Variants in PCDHGA7 observed in about 807,000 individuals in gnomAD.
PCDHGA7 encodes protocadherin gamma subfamily A, 7, also known as protocadherin gamma-A7.
Under a neutral mutation model 58.3 loss-of-function variants are expected in PCDHGA7, and 44 were observed. That is an observed-to-expected ratio of 0.75 (90% CI 0.59 to 0.97). PCDHGA7 has a LOEUF of 0.97. PCDHGA7 is among the 50% of genes least tolerant of loss of function. The probability of loss-of-function intolerance (pLI) is 0.00; values close to 1 mark genes in which losing one functional copy is unlikely to be tolerated. For missense variants in PCDHGA7, 1,266 were observed against 1,188.7 expected (o/e 1.06, Z -0.96); for synonymous variants, 516 against 504.2 (o/e 1.02, Z -0.31).
rs61612330 is a variant in PCDHGA7, at chr5:141,454,796, A to ATTTTTTTTTTTTTTT, written c.2425-39996_2425-39982dup. 1.0e-3 allele frequency among the ~76,000 whole-genome samples: 80 copies of ATTTTTTTTTTTTTTT among 77,456 alleles called. 10 individuals are homozygous for ATTTTTTTTTTTTTTT. The highest frequency in any genetic ancestry group is 2.0e-3 in the East Asian group (5 of 2,512). The allele number at this position is 77,456 out of a possible 152,430, so 50.8% of individuals were successfully genotyped here. A position where few individuals can be genotyped will look rare whatever the true frequency, so the allele number is the denominator to read the frequency against. On this transcript the variant is annotated intron_variant, in intron 1 of 3. Transcript: ENST00000518325. ...AAGGAAATAATCCTCCATGGTTCTA[A>ATTTTTTTTTTTTTTT]TTTTTTTTTTTTTTTTTTTTTTTTT...
At chr5:141,465,833 T>A (rs2099110537) in intron 1 of PCDHGA7, among the ~76,000 whole-genome samples, 1 of 152,002 alleles carries the variant, frequency 6.6e-6, no homozygotes, top group Non-Finnish European at 1.5e-5. Context: ...GTTTAAAATT[T>A]CAACTGAGGC....
intron 1 of PCDHGA7, chr5:141,402,829 T>C: frequency 7.5e-7 from 1 of 1,342,036 alleles, no homozygotes; most frequent in Non-Finnish European, 9.8e-7. Flanking sequence ...GCTCCCAGGC[T>C]GCAGCAAAAC....
At position 141,405,317 on chromosome 5, in the gene PCDHGA7, G is replaced by A. The variant is rs1443108777; in HGVS notation, c.2424+19994G>A. ...CAGCCAGCAGAGCTGTGAGAAAAAT[G>A]AGCCTTTGTGCGTCTCTGTTGATTC... On this transcript the variant is annotated intron_variant, in intron 1 of 3. Coordinates refer to ENST00000518325, the MANE Select transcript of PCDHGA7 (RefSeq NM_018920.4). 2.5e-6 allele frequency: 4 copies of A among 1,614,080 alleles called. No individual in the cohort carries two copies. The African/African-American group carries it at 5.3e-5, about 22-fold the overall frequency.
chr5:141,383,889 G>T lies in PCDHGA7; in HGVS notation c.990G>T (p.Lys330Asn). 6.2e-7 allele frequency: 1 copy of T among 1,613,938 alleles called. No individual in the cohort carries two copies. Among genetic ancestry groups the T allele is most frequent in the South Asian group, 1.1e-5 (1 of 91,078 alleles). The stretch of plus-strand genomic sequence containing the variant: ...AAGATGGTCCTGGTAGTCTGACAAA[G>T]GCAAAAGTACTGATCACAGTTTTAG... ...QAQDGPGSLTKAKVLITVLDV... is the reference protein window; with the variant it reads ...QAQDGPGSLTNAKVLITVLDV... The change falls in exon 1 of 4, where the codon AAG becomes AAT. Residue 330 changes from lysine (K) to asparagine (N), a missense_variant. Physicochemically the swap from Lys to Asn is moderately conservative, Grantham distance 94. Transcript: ENST00000518325.
chr5:141,384,783 G>A lies in PCDHGA7; in HGVS notation c.1884G>A (p.Thr628=). 4 of 1,613,678 alleles carry A rather than the reference G, an allele frequency of 2.5e-6. No homozygotes were observed. Among genetic ancestry groups the A allele is most frequent in the South Asian group, 1.1e-5 (1 of 91,084 alleles). The change falls in exon 1 of 4, where the codon ACG becomes ACA. Residue 628 remains threonine, a synonymous_variant. Transcript: ENST00000518325. ...AVGLYTGEVR[T]ARALLDRDAL... is the part of the protein sequence containing the mutation. ...GGCTGTACACGGGCGAGGTGCGCAC[G>A]GCTCGGGCCCTGCTGGACAGAGATG...
intron 1 of PCDHGA7, among the ~76,000 whole-genome samples, chr5:141,481,426 A>G (rs1431602618): frequency 6.6e-6 from 1 of 152,238 alleles, no homozygotes; most frequent in Non-Finnish European, 1.5e-5. Flanking sequence ...TGTGATGATG[A>G]TTGTATCAGT....
chr5:141,482,470 C>T (rs768383368), intron 1 of PCDHGA7, among the ~76,000 whole-genome samples: 8 of 137,876 alleles, frequency 5.8e-5, no homozygotes, highest in Non-Finnish European at 1.2e-4. Flanking sequence ...ATGTGCCAGA[C>T]ACTGTAAACA....
At position 141,383,756 on chromosome 5, in the gene PCDHGA7, C is replaced by T. The variant is rs62620755; in HGVS notation, c.857C>T (p.Pro286Leu). 6.8e-6 allele frequency: 11 copies of T among 1,613,838 alleles called. No homozygotes were observed. Among genetic ancestry groups the T allele is most frequent in the East Asian group, 2.2e-5 (1 of 44,890 alleles). ...EVTYSFRKIT[P>L]KLPKMFHLNS... ...ACATATTCTTTTCGGAAAATAACTC[C>T]TAAACTTCCAAAGATGTTTCATCTG... The change falls in exon 1 of 4, where the codon CCT becomes CTT. Residue 286 changes from proline to leucine, a missense_variant. Pro to Leu is a moderately conservative substitution (Grantham distance 98, BLOSUM62 -3). Coordinates refer to ENST00000518325, the MANE Select transcript of PCDHGA7 (RefSeq NM_018920.4).
rs748660721 is a variant in PCDHGA7 at position 141,485,346 on chromosome 5, G to A, written c.2425-9461G>A. The A allele has an allele frequency of 1.2e-6, 2 of 1,614,178 alleles. No individual in the cohort carries two copies. Among genetic ancestry groups the A allele is most frequent in the South Asian group, 2.2e-5 (2 of 91,088 alleles). ...CAAGATTTCCTGCTGGATACGGACA[G>A]TCTGTCAGCTCGCAGGCTGCAGGTC... On this transcript the variant is annotated intron_variant, in intron 1 of 3. Transcript: ENST00000518325. This position sits in a 1 kb window ranked among gnomAD's most constrained non-coding sequence, Gnocchi z 5.7.
intron 1 of PCDHGA7, among the ~76,000 whole-genome samples, chr5:141,450,616 A>G (rs2098687684): frequency 6.6e-6 from 1 of 151,486 alleles, no homozygotes; most frequent in African/African-American, 2.4e-5. Flanking sequence ...CCTCCTGAGT[A>G]GCTGGGATTA....
At chr5:141,405,008 G>A in intron 1 of PCDHGA7, 1 of 1,614,000 alleles carries the variant, frequency 6.2e-7, no homozygotes, top group Non-Finnish European at 8.5e-7. Context: ...AGACCTGGAG[G>A]CCTCAGACCT....
In PCDHGA7 at chr5:141,408,282, C is replaced by A. The variant is rs1045626164; in HGVS notation, c.2424+22959C>A. On this transcript the variant is annotated intron_variant, in intron 1 of 3. Transcript: ENST00000518325. ...CCTTTGCTGCTGCCTTTGTTCTACC[C>A]CACCCTGAGTGAGCCGATCCGCTAC... The A allele has an allele frequency of 5.0e-6, 8 of 1,612,846 alleles. No individual in the cohort carries two copies. The African/African-American group carries it at 1.1e-4, about 22-fold the overall frequency.
At chr5:141,393,171 G>C (rs768471669) in intron 1 of PCDHGA7, 10 of 1,613,150 alleles carry the variant, frequency 6.2e-6, no homozygotes, top group Admixed American at 1.7e-5. Context: ...CTTTGGGGTA[G>C]AAATAGAAAT....
At chr5:141,504,147 T>C (rs2099836026) in intron 2 of PCDHGA7, among the ~76,000 whole-genome samples, 1 of 152,198 alleles carries the variant, frequency 6.6e-6, no homozygotes, top group South Asian at 2.1e-4. Flanking sequence ...CCCCTGCAAA[T>C]TGAAATAATT....
At position 141,487,194 on chromosome 5, in the gene PCDHGA7, C is replaced by T. The variant is rs148502966; in HGVS notation, c.2425-7613C>T. 2 of 1,613,868 alleles carry T rather than the reference C, an allele frequency of 1.2e-6. No homozygotes were observed. The highest frequency in any genetic ancestry group is 1.3e-5 in the African/African-American group (1 of 75,030). On this transcript the variant is annotated intron_variant, in intron 1 of 3. Coordinates refer to ENST00000518325, the MANE Select transcript of PCDHGA7 (RefSeq NM_018920.4). The surrounding 1 kb of genome is among the most constrained non-coding windows in gnomAD (Gnocchi z 5.0). ...GAGGAAGACACTCATCCAGTTGTCC[C>T]AGATCTTCGAGAATCTTCAGCTCCA... is the stretch of plus-strand genomic sequence containing the variant.
At chr5:141,470,734 G>C (rs970003510) in intron 1 of PCDHGA7, among the ~76,000 whole-genome samples, 1 of 152,128 alleles carries the variant, frequency 6.6e-6, no homozygotes, top group South Asian at 2.1e-4. Context: ...GTCTTGCTCT[G>C]TCGCCCTGGC....
In PCDHGA7 at chr5:141,487,086, TCCCACCACAGAAG is replaced by T. The variant is rs2099639456; in HGVS notation, c.2425-7719_2425-7707del. 6.2e-7 allele frequency: 1 copy of T among 1,613,822 alleles called. No homozygotes were observed. ...ACGGCTGTTCCTATCCCAGCTGACC[TCCCACCACAGAAG>T]CTGGTCATTGTGGTAAAGGATAGTG... On this transcript the variant is annotated intron_variant, in intron 1 of 3. Coordinates refer to ENST00000518325, the MANE Select transcript of PCDHGA7 (RefSeq NM_018920.4). The surrounding 1 kb of genome is among the most constrained non-coding windows in gnomAD (Gnocchi z 5.0).
chr5:141,408,617 C>T (rs2095139011), intron 1 of PCDHGA7: 2 of 1,614,004 alleles, frequency 1.2e-6, no homozygotes, highest in African/African-American at 2.7e-5. Flanking sequence ...AAAGGAAATA[C>T]ATTTAGAAAT....
At chr5:141,405,206 A>G in intron 1 of PCDHGA7, 1 of 1,613,648 alleles carries the variant, frequency 6.2e-7, no homozygotes, top group Non-Finnish European at 8.5e-7. Flanking sequence ...TTTCCTACAG[A>G]CCTATTCTCA....
Sources: gnomAD v4.1 joint callset for allele counts (sites outside exome capture counted in the v4.1 genomes callset) on GRCh38, gnomAD v4.1.1 for gene constraint, Gnocchi (gnomAD v3.1) non-coding constraint, MANE v1.5 for transcripts, NCBI Gene and HGNC (gene_info 2026-07-23, HGNC 2026-07-21) for gene names.